The following SQLE variants were observed in gnomAD, a reference collection of about 807,000 sequenced individuals.
SQLE encodes the protein squalene monooxygenase.
Under a neutral mutation model 60.7 loss-of-function variants are expected in SQLE, and 29 were observed. The observed-to-expected ratio is 0.48, with a 90% CI of 0.36 to 0.65. The LOEUF (loss-of-function observed/expected upper bound fraction) is 0.65, where lower values mean the gene tolerates loss of function less well. Among genes scored for constraint, SQLE ranks in the 30% least tolerant of loss-of-function variants. SQLE has a pLI of 0.00. For missense variants in SQLE, 605 were observed against 684.1 expected, an observed-to-expected ratio of 0.88 and a Z score of 1.29; for synonymous variants, 237 against 246.8, an observed-to-expected ratio of 0.96 and a Z score of 0.37.
chr8:125,003,951 T>G (rs1814907220), intron 2 of SQLE, among the ~76,000 whole-genome samples: 1 of 152,024 alleles, frequency 6.6e-6, no homozygotes, highest in African/African-American at 2.4e-5. Flanking sequence ...TCCCCTGTCT[T>G]TTTTTCCAAG....
At chr8:125,014,503 T>C (rs1055260053) in intron 7 of SQLE, among the ~76,000 whole-genome samples, 3 of 152,126 alleles carry the variant, frequency 2.0e-5, no homozygotes, top group African/African-American at 7.2e-5. Flanking sequence ...GTTAGGTTGT[T>C]TATTTGATGT....
intron 7 of SQLE, among the ~76,000 whole-genome samples, chr8:125,013,197 G>C (rs1458766264): frequency 6.6e-6 from 1 of 151,854 alleles, no homozygotes; most frequent in Non-Finnish European, 1.5e-5. Flanking sequence ...CTCATTCTGT[G>C]GGTTTTCTTT....
At position 124,999,644 on chromosome 8, in the gene SQLE, G is replaced by A. The variant is rs556896372; in HGVS notation, c.241G>A (p.Ala81Thr). 6.2e-6 allele frequency: 10 copies of A among 1,610,808 alleles called. No individual in the cohort carries two copies. In the Admixed American group the frequency reaches 1.7e-4, roughly 27 times the overall value. ...CCTGCCTTTCATTGGCTTCTTCTGG[G>A]CCAAATCCCCCCCTGAATCAGAAAA... is the stretch of plus-strand genomic sequence containing the variant. The part of the protein sequence containing the change: ...SGLPFIGFFW[A>T]KSPPESENKE... Residue 81 changes from alanine to threonine, a missense_variant, in exon 1 of 11, where the codon GCC becomes ACC. Physicochemically the swap from Ala to Thr is moderately conservative, Grantham distance 58 (BLOSUM62 0). Transcript: ENST00000265896.
At position 125,003,253 on chromosome 8, in the gene SQLE, C is replaced by T. The variant is rs771878520; in HGVS notation, c.369C>T (p.Asp123=). ...AACTSTSSQN[D]PEVIIVGAGV... ...GTACATCAACATCTTCTCAGAATGA[C>T]CCAGAAGTTATCATCGTGGGAGCTG... Residue 123 remains aspartate (D), a synonymous_variant, in exon 2 of 11, where the codon GAC becomes GAT. Coordinates refer to ENST00000265896, the MANE Select transcript of SQLE (RefSeq NM_003129.4). 1 of 1,613,898 alleles carries T rather than the reference C, an allele frequency of 6.2e-7. No homozygotes were observed. Among genetic ancestry groups the T allele is most frequent in the Non-Finnish European group, 8.5e-7 (1 of 1,179,870 alleles).
At chr8:125,005,461 G>A (rs552777718) in intron 2 of SQLE, 64 bp from the exon 3 acceptor site, 3 of 1,384,802 alleles carry the variant, frequency 2.2e-6, no homozygotes, top group African/African-American at 1.5e-5. Flanking sequence ...TGTCTTCTTT[G>A]GTTCTTAGTT....
intron 9 of SQLE, among the ~76,000 whole-genome samples, chr8:125,019,608 A>C (rs111614477): frequency 2.6e-5 from 4 of 152,312 alleles, no homozygotes; most frequent in African/African-American, 9.6e-5. Context: ...GAAATGGAGG[A>C]GAAAAGGCAA....
intron 3 of SQLE, among the ~76,000 whole-genome samples, chr8:125,006,217 A>G (rs1386055389): frequency 3.3e-5 from 5 of 152,238 alleles, no homozygotes; most frequent in Admixed American, 1.3e-4. Flanking sequence ...CCCTCATGTG[A>G]CTGACACAGA....
intron 2 of SQLE, 29 bp from the exon 3 acceptor site, chr8:125,005,496 T>C: frequency 6.6e-7 from 1 of 1,525,098 alleles, no homozygotes; most frequent in Non-Finnish European, 8.9e-7. Flanking sequence ...TTAACAGAAT[T>C]GATTGTTTTG....
intron 10 of SQLE, 119 bp from the exon 11 acceptor site, chr8:125,021,634 G>A (rs1399002426): frequency 5.8e-6 from 4 of 693,022 alleles, no homozygotes; most frequent in East Asian, 5.6e-5. Flanking sequence ...ACAGAATTAT[G>A]ATGCTTGGGT....
At chr8:125,007,304 A>T in intron 3 of SQLE, 87 bp from the exon 4 acceptor site, 2 of 949,530 alleles carry the variant, frequency 2.1e-6, no homozygotes, top group Non-Finnish European at 3.0e-6. Context: ...TCCAGTTTAT[A>T]TGGATAAACT....
In SQLE at chr8:125,012,905, C is replaced by G. The variant is rs1815058458; in HGVS notation, c.1204+1273C>G. Among the ~76,000 whole-genome samples the G allele has an allele frequency of 2.0e-5, 3 of 152,220 alleles. No individual in the cohort carries two copies. The South Asian group carries it at 6.2e-4, about 32-fold the overall frequency. On this transcript the variant is annotated intron_variant, in intron 7 of 10. Coordinates refer to ENST00000265896, the MANE Select transcript of SQLE (RefSeq NM_003129.4). ...GTGTGAGTTCTAATTTCTCCACATCCTTGTCAGTGAACACTTGTATTATCT... is the reference window on the plus strand; with the variant it reads ...GTGTGAGTTCTAATTTCTCCACATCGTTGTCAGTGAACACTTGTATTATCT...
At position 124,999,595 on chromosome 8, in the gene SQLE, C is replaced by G; in HGVS notation, c.192C>G (p.Ala64=). ...GCCAGCAGAGCGGCTCCCAGTTCGC[C>G]CTCTTCTCGGATATTCTCTCAGGCC... is the stretch of plus-strand genomic sequence containing the variant. ...LGRQQSGSQF[A]LFSDILSGLP... Residue 64 remains alanine (A), a synonymous_variant, in exon 1 of 11, where the codon GCC becomes GCG. Transcript: ENST00000265896. The G allele has an allele frequency of 1.2e-6, 2 of 1,613,502 alleles. No individual in the cohort carries two copies. Among genetic ancestry groups the G allele is most frequent in the Non-Finnish European group, 8.5e-7 (1 of 1,179,726 alleles).
At chr8:125,019,095 CTTTTTAAAGTA>C (rs2129910853) in intron 9 of SQLE, 1 of 178,462 alleles carries the variant, frequency 5.6e-6, no homozygotes. Flanking sequence ...GTTTCAATTT[CTTTTTAAAGTA>C]GTATTTTATA....
At chr8:125,010,199 CCTGTCCGCAGAATGTG>C (rs1189018123) in intron 6 of SQLE, among the ~76,000 whole-genome samples, 1 of 152,168 alleles carries the variant, frequency 6.6e-6, no homozygotes, top group African/African-American at 2.4e-5. Flanking sequence ...ACAGACATGT[CCTGTCCGCAGAATGTG>C]AGAATTGTAA....
chr8:125,011,393 G>T, intron 6 of SQLE, 144 bp from the exon 7 acceptor site: 1 of 545,810 alleles, frequency 1.8e-6, no homozygotes, highest in Non-Finnish European at 3.1e-6. Context: ...GAAATAATTA[G>T]TTCTTGATTT....
intron 1 of SQLE, among the ~76,000 whole-genome samples, chr8:125,001,978 C>T (rs1814863467): frequency 6.6e-6 from 1 of 152,162 alleles, no homozygotes; most frequent in Non-Finnish European, 1.5e-5. Context: ...CCACTGTGCA[C>T]TGTTGTTCTT....
chr8:125,005,368 G>A (rs935088535), intron 2 of SQLE, among the ~76,000 whole-genome samples, 157 bp from the exon 3 acceptor site: 1 of 133,172 alleles, frequency 7.5e-6, no homozygotes, highest in African/African-American at 3.2e-5. Context: ...ACTTCCAGAA[G>A]CATTCACAGT....
intron 1 of SQLE, among the ~76,000 whole-genome samples, chr8:125,002,831 T>C (rs1438925249): frequency 6.6e-6 from 1 of 152,250 alleles, no homozygotes. Flanking sequence ...TGATACAGTT[T>C]GCCCTATAAT....
intron 4 of SQLE, among the ~76,000 whole-genome samples, 165 bp downstream of exon 4, chr8:125,007,652 G>T (rs1814975972): frequency 6.6e-6 from 1 of 152,102 alleles, no homozygotes; most frequent in African/African-American, 2.4e-5. Context: ...TCAGATGTTT[G>T]CATTATACTT....
Sources: gnomAD v4.1 joint callset for allele counts (sites outside exome capture counted in the v4.1 genomes callset) on GRCh38, gnomAD v4.1.1 for gene constraint, MANE v1.5 for transcripts, NCBI Gene and HGNC (gene_info 2026-07-23, HGNC 2026-07-21) for gene names.